ZMYND8: variants seen among roughly 807,000 people sequenced by gnomAD.
ZMYND8 encodes zinc finger MYND-type containing 8.
In ZMYND8, 37 loss-of-function variants were observed where a neutral mutation model predicts 140.8. The observed-to-expected ratio is 0.26, with a 90% CI of 0.20 to 0.35. The LOEUF is 0.35. Among genes scored for constraint, ZMYND8 ranks in the 10% least tolerant of loss-of-function variants. The probability of loss-of-function intolerance (pLI) is 1.00; values close to 1 mark genes in which losing one functional copy is unlikely to be tolerated. For synonymous variants in ZMYND8, 592 were observed against 597.1 expected, an observed-to-expected ratio of 0.99 and a Z score of 0.12; for missense variants, 1,068 against 1,570.0, an observed-to-expected ratio of 0.68 and a Z score of 5.40.
Position 47,249,233 on chromosome 20 carries a change from C to A in ZMYND8, c.1774+54G>T, listed in dbSNP as rs1052373220. 49 of 1,580,828 alleles carry A rather than the reference C, an allele frequency of 3.1e-5. 1 individual carries two copies. The Admixed American group carries it at 6.2e-4, about 20-fold the overall frequency. On this transcript the variant is annotated intron_variant, in intron 13 of 22. Coordinates refer to ENST00000471951, the MANE Select transcript of ZMYND8 (RefSeq NM_001281775.3). ...GATTTCATCCAGGTGGTATCCCTAC[C>A]AGTAATGATAACAATGATACTGCTG...
At chr20:47,269,299 G>A (rs1009031574) in intron 11 of ZMYND8, among the ~76,000 whole-genome samples, 1 of 152,318 alleles carries the variant, frequency 6.6e-6, no homozygotes, top group African/African-American at 2.4e-5. Context: ...TACTGGCATG[G>A]AGGCCAGAGA....
chr20:47,249,110 G>C (rs1297763984), intron 13 of ZMYND8, among the ~76,000 whole-genome samples, 177 bp downstream of exon 13: 1 of 152,156 alleles, frequency 6.6e-6, no homozygotes, highest in Admixed American at 6.5e-5. Flanking sequence ...GAATTAACTA[G>C]CAAGTCTGAA....
chr20:47,270,874 G>A (rs1232219740), intron 11 of ZMYND8, among the ~76,000 whole-genome samples: 1 of 151,838 alleles, frequency 6.6e-6, no homozygotes, highest in South Asian at 2.1e-4. Context: ...TCAGGAGATC[G>A]AGACCATCCT....
At position 47,210,774 on chromosome 20, in the gene ZMYND8, G is replaced by T; in HGVS notation, c.3692C>A (p.Thr1231Asn). ...SLLPKESRLD[T>N]FWD ...CCCGATTCACTGCTAGTCCCAGAAG[G>T]TGTCCAGCCGAGACTCTTTCGGGAG... Residue 1231 changes from threonine to asparagine, a missense_variant, in exon 23 of 23, where the codon ACC becomes AAC. Physicochemically the swap from Thr to Asn is moderately conservative, Grantham distance 65. Transcript: ENST00000471951. 6.2e-7 allele frequency: 1 copy of T among 1,614,144 alleles called. No homozygotes were observed. Among genetic ancestry groups the T allele is most frequent in the Non-Finnish European group, 8.5e-7 (1 of 1,180,042 alleles).
chr20:47,278,604 T>G (rs1371429798), intron 10 of ZMYND8, among the ~76,000 whole-genome samples: 1 of 152,032 alleles, frequency 6.6e-6, no homozygotes, highest in Non-Finnish European at 1.5e-5. Context: ...ACAGGCGGAT[T>G]GTTTGCAAGT....
rs1163523817 is a variant in ZMYND8 at position 47,224,549 on chromosome 20, G to A, written c.3024C>T (p.Thr1008=). ...LSEMKHNLEL[T]MAEMRQSLEQ... ...CCAGGCTCTGCCGCATCTCCGCCAT[G>A]GTCAGCTCTGGTGGAGGAGGGGAAG... The change falls in exon 19 of 23, where the codon ACC becomes ACT. Residue 1008 remains threonine (T), a synonymous_variant. Transcript: ENST00000471951. 1 of 1,613,150 alleles carries A rather than the reference G, an allele frequency of 6.2e-7. No individual in the cohort carries two copies. Among genetic ancestry groups the A allele is most frequent in the African/African-American group, 1.3e-5 (1 of 75,072 alleles).
At chr20:47,334,201 G>T (rs1345031123) in intron 2 of ZMYND8, among the ~76,000 whole-genome samples, 2 of 152,140 alleles carry the variant, frequency 1.3e-5, no homozygotes, top group East Asian at 3.8e-4. Context: ...CTGACTGGGA[G>T]GTGCCTGGCA....
rs1163920988 is a variant in ZMYND8 at position 47,223,808 on chromosome 20, A to G, written c.3256+509T>C. ...GCCACTGCACTCCAGCCTGGGCAAC[A>G]AGAGCGAAACTCTGTCTCAAAAAAA... On this transcript the variant is annotated intron_variant, in intron 19 of 22. Transcript: ENST00000471951. Among the ~76,000 whole-genome samples, 5 of 151,772 alleles carry G rather than the reference A, an allele frequency of 3.3e-5. No homozygotes were observed. The South Asian group carries it at 1.0e-3, about 32-fold the overall frequency.
chr20:47,310,294 C>G lies in ZMYND8; in HGVS notation c.86-90G>C, dbSNP rs928067361. The G allele has an allele frequency of 2.2e-5, 33 of 1,474,730 alleles. 1 individual carries two copies. In the South Asian group the frequency reaches 3.9e-4, roughly 17 times the overall value. The allele number at this position is 1,474,730 out of a possible 1,614,324, so 91.4% of individuals were successfully genotyped here. A position where few individuals can be genotyped will look rare whatever the true frequency, so the allele number is the denominator to read the frequency against. On this transcript the variant is annotated intron_variant, in intron 2 of 22. Transcript: ENST00000471951. The stretch of plus-strand genomic sequence containing the variant: ...GGTGTGGAGGAACCAAGTGTGGGAA[C>G]AGAGTGCATTCTGTCCCCCAACTCC...
chr20:47,336,156 T>A (rs1412475032), intron 2 of ZMYND8, among the ~76,000 whole-genome samples: 1 of 152,168 alleles, frequency 6.6e-6, no homozygotes, highest in Non-Finnish European at 1.5e-5. Flanking sequence ...TCATAAACAA[T>A]CCCTTTGTGA....
At chr20:47,277,624 G>A (rs1025395848) in intron 10 of ZMYND8, among the ~76,000 whole-genome samples, 2 of 150,564 alleles carry the variant, frequency 1.3e-5, no homozygotes, top group Non-Finnish European at 3.0e-5. Context: ...CTTTTGTGGG[G>A]GATTTTTTGT....
intron 1 of ZMYND8, among the ~76,000 whole-genome samples, chr20:47,350,631 AC>A (rs1423606709): frequency 1.3e-5 from 2 of 152,144 alleles, no homozygotes; most frequent in African/African-American, 4.8e-5. Context: ...GGGAAAAAAA[AC>A]AGTCAAATAA....
intron 4 of ZMYND8, among the ~76,000 whole-genome samples, chr20:47,297,421 CTTTT>C (rs11477253): frequency 6.7e-6 from 1 of 149,766 alleles, no homozygotes; most frequent in African/African-American, 2.5e-5. Context: ...TCCAATGTAC[CTTTT>C]TTTTTTCTTT....
At chr20:47,342,644 G>A (rs2081993438) in intron 2 of ZMYND8, among the ~76,000 whole-genome samples, 2 of 151,208 alleles carry the variant, frequency 1.3e-5, no homozygotes, top group Admixed American at 6.6e-5. Context: ...TCAGGAGTTC[G>A]AGACTAGCCT....
chr20:47,335,181 A>C (rs1037389631), intron 2 of ZMYND8, among the ~76,000 whole-genome samples: 1 of 152,056 alleles, frequency 6.6e-6, no homozygotes, highest in South Asian at 2.1e-4. Flanking sequence ...AGGAAATCAA[A>C]GCTGCAGTGA....
chr20:47,287,164 A>C, intron 8 of ZMYND8, 65 bp downstream of exon 8: 6 of 1,457,980 alleles, frequency 4.1e-6, no homozygotes, highest in Non-Finnish European at 5.8e-6. Flanking sequence ...CTGCAAATGG[A>C]AACTTCAGCT....
chr20:47,287,134 C>T (rs1569101700), intron 8 of ZMYND8, 95 bp downstream of exon 8: 7 of 1,128,730 alleles, frequency 6.2e-6, no homozygotes, highest in Admixed American at 3.6e-5. Flanking sequence ...AAAATCACCT[C>T]GGCTACCTAA....
At chr20:47,275,765 G>A (rs916503786) in intron 11 of ZMYND8, among the ~76,000 whole-genome samples, 11 of 151,820 alleles carry the variant, frequency 7.2e-5, no homozygotes, top group African/African-American at 2.4e-4. Context: ...ACGCCACCAC[G>A]ACCAGCTAAT....
intron 12 of ZMYND8, among the ~76,000 whole-genome samples, chr20:47,254,654 G>A (rs2074447514): frequency 6.7e-6 from 1 of 149,136 alleles, no homozygotes; most frequent in African/African-American, 2.5e-5. Context: ...CGCTGGGAAG[G>A]CTATATATTC....
Sources: gnomAD v4.1 joint callset for allele counts (sites outside exome capture counted in the v4.1 genomes callset) on GRCh38, gnomAD v4.1.1 for gene constraint, MANE v1.5 for transcripts, NCBI Gene and HGNC (gene_info 2026-07-23, HGNC 2026-07-21) for gene names.